GRM8: variants seen among roughly 807,000 people sequenced by gnomAD.
GRM8 encodes glutamate metabotropic receptor 8.
Under a neutral mutation model 87.2 loss-of-function variants are expected in GRM8, and 47 were observed. That is an observed-to-expected ratio of 0.54 (90% confidence interval 0.43 to 0.69). GRM8 has a LOEUF of 0.69. Ranked by LOEUF, GRM8 falls within the 30% of genes least tolerant of loss-of-function variation. The pLI is 0.00. For missense variants in GRM8, 1,019 were observed against 1,139.2 expected (o/e 0.89, Z 1.52); for synonymous variants, 396 against 404.5 (o/e 0.98, Z 0.25).
intron 8 of GRM8, among the ~76,000 whole-genome samples, chr7:126,592,870 T>C (rs1195883427): frequency 6.6e-6 from 1 of 151,928 alleles, no homozygotes; most frequent in East Asian, 1.9e-4. Context: ...TGTCCTTGTT[T>C]GTAGATGACA....
intron 3 of GRM8, among the ~76,000 whole-genome samples, chr7:127,052,520 G>T (rs1819591952): frequency 6.6e-6 from 1 of 152,172 alleles, no homozygotes; most frequent in Admixed American, 6.5e-5. Flanking sequence ...AACCAGAAAA[G>T]TTTGGTACAT....
chr7:126,790,880 C>G (rs1181843648), intron 6 of GRM8, among the ~76,000 whole-genome samples: 2 of 152,122 alleles, frequency 1.3e-5, no homozygotes, highest in African/African-American at 4.8e-5. Context: ...GATGACTTGG[C>G]ATGAATGTCA....
chr7:127,040,872 A>T lies in GRM8; in HGVS notation c.727+65624T>A, dbSNP rs150359633. Reference sequence around the variant, plus strand: ...TCTAATATGCTACATGAGGAAGAGAATGGGAAAAACAAACAGTACATGAAT... The same window carrying T: ...TCTAATATGCTACATGAGGAAGAGATTGGGAAAAACAAACAGTACATGAAT... On this transcript the variant is annotated intron_variant, in intron 3 of 10. Coordinates refer to ENST00000339582, the MANE Select transcript of GRM8 (RefSeq NM_000845.3). 6.6e-3 allele frequency among the ~76,000 whole-genome samples: 1,002 copies of T among 152,314 alleles called. 8 individuals are homozygous for T. Among genetic ancestry groups the T allele is most frequent in the African/African-American group, 0.022 (918 of 41,570 alleles).
At chr7:126,766,668 G>A (rs770384845) in intron 7 of GRM8, among the ~76,000 whole-genome samples, 3 of 152,012 alleles carry the variant, frequency 2.0e-5, no homozygotes, top group Non-Finnish European at 2.9e-5. Context: ...GTTTTTTGTT[G>A]TCGTGTATAG....
At chr7:126,453,182 G>A (rs1011860922) in intron 9 of GRM8, among the ~76,000 whole-genome samples, 2 of 151,354 alleles carry the variant, frequency 1.3e-5, no homozygotes, top group Non-Finnish European at 3.0e-5. Flanking sequence ...AGTCACCACA[G>A]CAAAGAATTA....
intron 8 of GRM8, among the ~76,000 whole-genome samples, chr7:126,557,175 C>T (rs1793234912): frequency 6.6e-6 from 1 of 152,140 alleles, no homozygotes; most frequent in Non-Finnish European, 1.5e-5. Flanking sequence ...CCTCACACTG[C>T]CTTGCTGGCG....
chr7:126,465,675 C>G (rs1362183), intron 9 of GRM8, among the ~76,000 whole-genome samples: 93,915 of 151,540 alleles, frequency 0.62, 29,305 homozygotes, highest in Middle Eastern at 0.75. Context: ...CAGTGAACTT[C>G]TTAAACTTAT....
At chr7:126,721,254 A>C (rs576008269) in intron 7 of GRM8, among the ~76,000 whole-genome samples, 9 of 152,276 alleles carry the variant, frequency 5.9e-5, no homozygotes, top group Non-Finnish European at 1.2e-4. Context: ...GAATCTACAC[A>C]ATCAAAAATC....
chr7:126,772,469 T>G (rs1818951883), intron 6 of GRM8, among the ~76,000 whole-genome samples: 1 of 152,104 alleles, frequency 6.6e-6, no homozygotes, highest in African/African-American at 2.4e-5. Context: ...CCAGACTTGC[T>G]GGGTCAGAAT....
Position 127,252,553 on chromosome 7 carries a change from C to T in GRM8, c.-312+244G>A, listed in dbSNP as rs1013285816. On this transcript the variant is annotated intron_variant, in intron 1 of 10. Transcript: ENST00000339582. This position sits in a 1 kb window ranked among gnomAD's most constrained non-coding sequence, Gnocchi z 4.9. The stretch of plus-strand genomic sequence containing the variant: ...ATTTCTCTCACAGACTACGGACATG[C>T]AGGGCCATCTACTTGTGCTCAGGAA... Among the ~76,000 whole-genome samples, 2 of 152,124 alleles carry T rather than the reference C, an allele frequency of 1.3e-5. No homozygotes were observed. The highest frequency in any genetic ancestry group is 4.8e-5 in the African/African-American group (2 of 41,410).
At position 126,903,587 on chromosome 7, in the gene GRM8, C is replaced by CTAT. The variant is rs1399127599; in HGVS notation, c.1018+384_1018+385insATA. ...ACATACACACACACACACACACACA[C>CTAT]ACACACACACACACTATATACATAT... On this transcript the variant is annotated intron_variant, in intron 5 of 10. Coordinates refer to ENST00000339582, the MANE Select transcript of GRM8 (RefSeq NM_000845.3). 3.1e-4 allele frequency among the ~76,000 whole-genome samples: 45 copies of CTAT among 145,900 alleles called. 2 individuals carry two copies. The highest frequency in any genetic ancestry group is 3.0e-3 in the East Asian group (15 of 5,030).
At chr7:126,587,226 G>T (rs991300533) in intron 8 of GRM8, among the ~76,000 whole-genome samples, 2 of 152,210 alleles carry the variant, frequency 1.3e-5, no homozygotes, top group African/African-American at 2.4e-5. Context: ...TACACTGTTG[G>T]TGGGACTGTA....
chr7:127,076,261 G>A (rs1822250308), intron 3 of GRM8: 1 of 455,138 alleles, frequency 2.2e-6, no homozygotes, highest in African/African-American at 2.0e-5. Context: ...AGAAAAATGA[G>A]GCAAATAGAC....
At chr7:126,879,751 G>C (rs1436623928) in intron 6 of GRM8, among the ~76,000 whole-genome samples, 4 of 152,028 alleles carry the variant, frequency 2.6e-5, no homozygotes, top group Non-Finnish European at 5.9e-5. Flanking sequence ...ATCCTTAAAT[G>C]GTTTTATATT....
At chr7:126,508,648 C>G (rs990278107) in intron 9 of GRM8, among the ~76,000 whole-genome samples, 2 of 151,988 alleles carry the variant, frequency 1.3e-5, no homozygotes, top group African/African-American at 2.4e-5. Context: ...TCAGCAGAAG[C>G]AATAAATGTG....
At chr7:127,042,076 G>A (rs1818478685) in intron 3 of GRM8, among the ~76,000 whole-genome samples, 1 of 152,178 alleles carries the variant, frequency 6.6e-6, no homozygotes, top group Non-Finnish European at 1.5e-5. Flanking sequence ...GAGAGGTCCT[G>A]TGATACTTTT....
intron 3 of GRM8, among the ~76,000 whole-genome samples, chr7:127,008,065 A>C (rs1313829157): frequency 1.3e-5 from 2 of 152,004 alleles, no homozygotes. Context: ...AAAACAATGA[A>C]ACAAAGAAAG....
intron 2 of GRM8, among the ~76,000 whole-genome samples, chr7:127,239,505 G>A (rs535999601): frequency 5.9e-5 from 9 of 152,190 alleles, no homozygotes; most frequent in Non-Finnish European, 1.3e-4. Flanking sequence ...GCCTAAGCTT[G>A]AGAAAACTGT....
At position 126,556,337 on chromosome 7, in the gene GRM8, TAAAAAAAAAAAA is replaced by T. The variant is rs3038820; in HGVS notation, c.1495-22462_1495-22451del. On this transcript the variant is annotated intron_variant, in intron 8 of 10. Coordinates refer to ENST00000339582, the MANE Select transcript of GRM8 (RefSeq NM_000845.3). ...ACAATGGAGAAGCAGTTCTCCTCTT[TAAAAAAAAAAAA>T]AAAAAAAAAAAAGTGGGCCAGGTGT... Among the ~76,000 whole-genome samples the T allele has an allele frequency of 6.3e-5, 7 of 111,318 alleles. No individual in the cohort carries two copies. In the Admixed American group the frequency reaches 7.1e-4, roughly 11 times the overall value. 73.0% of individuals were successfully genotyped at this position (111,318 alleles called of 152,430 possible). A position where few individuals can be genotyped will look rare whatever the true frequency, so the allele number is the denominator to read the frequency against.
Sources: gnomAD v4.1 joint callset for allele counts (sites outside exome capture counted in the v4.1 genomes callset) on GRCh38, gnomAD v4.1.1 for gene constraint, Gnocchi (gnomAD v3.1) non-coding constraint, MANE v1.5 for transcripts, NCBI Gene and HGNC (gene_info 2026-07-23, HGNC 2026-07-21) for gene names.